The following PLXNA2 variants were observed in gnomAD, a reference collection of about 807,000 sequenced individuals.
PLXNA2 encodes plexin-A2.
Under a neutral mutation model 193.5 loss-of-function variants are expected in PLXNA2, and 91 were observed. That is an observed-to-expected ratio of 0.47 (90% confidence interval 0.40 to 0.56). The LOEUF (loss-of-function observed/expected upper bound fraction) is 0.56, where lower values mean the gene tolerates loss of function less well. PLXNA2 is among the 20% of genes least tolerant of loss of function. PLXNA2 has a pLI of 0.00. For synonymous variants in PLXNA2, 997 were observed against 1,027.3 expected (o/e 0.97, Z 0.56); for missense variants, 1,995 against 2,503.2 (o/e 0.80, Z 4.33).
chr1:208,148,041 C>T (rs992823058), intron 3 of PLXNA2, among the ~76,000 whole-genome samples: 2 of 152,190 alleles, frequency 1.3e-5, no homozygotes, highest in Non-Finnish European at 2.9e-5. Flanking sequence ...GAAATAGTAA[C>T]CCCATTAGTA....
intron 3 of PLXNA2, among the ~76,000 whole-genome samples, chr1:208,165,058 G>C (rs1669256847): frequency 6.6e-6 from 1 of 152,178 alleles, no homozygotes; most frequent in Non-Finnish European, 1.5e-5. Context: ...GCAATGATTG[G>C]CAAAGGCCTG....
At chr1:208,240,240 T>C (rs1672003891) in intron 1 of PLXNA2, among the ~76,000 whole-genome samples, 1 of 152,124 alleles carries the variant, frequency 6.6e-6, no homozygotes, top group Admixed American at 6.5e-5. Flanking sequence ...GATAAAGAGG[T>C]TCCATATGCC....
At chr1:208,152,683 GCACACACACACACACACACA>G (rs56051287) in intron 3 of PLXNA2, among the ~76,000 whole-genome samples, 1 of 140,264 alleles carries the variant, frequency 7.1e-6, no homozygotes, top group South Asian at 2.3e-4. Context: ...ACACACACAC[GCACACACACACACACACACA>G]CACACACACA....
intron 4 of PLXNA2, among the ~76,000 whole-genome samples, chr1:208,121,064 C>T (rs115469188): frequency 0.023 from 3,535 of 152,162 alleles, 90 homozygotes; most frequent in Admixed American, 0.077. Flanking sequence ...GCTTAATAAC[C>T]GAAAAAGTAA....
In PLXNA2 at chr1:208,239,191, C is replaced by A. The variant is rs904285196; in HGVS notation, c.-81+4452G>T. Among the ~76,000 whole-genome samples the A allele has an allele frequency of 2.6e-4, 40 of 151,342 alleles. 1 individual carries two copies. The highest frequency in any genetic ancestry group is 9.5e-4 in the African/African-American group (39 of 41,220). On this transcript the variant is annotated intron_variant, in intron 1 of 31. Transcript: ENST00000367033. ...AAAGCACAAAAGCCACTGTTTTGGG[C>A]CAAGCCTGGCTTTCAAGAGTCCCCT... is the stretch of plus-strand genomic sequence containing the variant.
intron 17 of PLXNA2, among the ~76,000 whole-genome samples, chr1:208,049,170 C>A (rs1490892497): frequency 6.6e-6 from 1 of 152,170 alleles, no homozygotes; most frequent in African/African-American, 2.4e-5. Flanking sequence ...CTGGTGCTTC[C>A]CCCTGTGACC....
chr1:208,209,908 G>A (rs1809925), intron 3 of PLXNA2: 229,445 of 242,126 alleles, frequency 0.95, 109,392 homozygotes, highest in Non-Finnish European at 1. Context: ...GTTCTAGGGA[G>A]GGATTTGCGA....
chr1:208,129,600 A>C (rs142307602), intron 4 of PLXNA2, among the ~76,000 whole-genome samples: 110 of 152,264 alleles, frequency 7.2e-4, no homozygotes, highest in South Asian at 3.3e-3. Context: ...CCTTAACTTG[A>C]ACAATATTTC....
rs1558250261 is a variant in PLXNA2, at chr1:208,217,266, G to A, written c.657C>T (p.Ser219=). 2.5e-6 allele frequency: 4 copies of A among 1,614,148 alleles called. No homozygotes were observed. Among genetic ancestry groups the A allele is most frequent in the Non-Finnish European group, 3.4e-6 (4 of 1,180,024 alleles). Residue 219 remains serine (S), a synonymous_variant, in exon 2 of 32, where the codon AGC becomes AGT. Coordinates refer to ENST00000367033, the MANE Select transcript of PLXNA2 (RefSeq NM_025179.4). This position sits in a 1 kb window ranked among gnomAD's most constrained non-coding sequence, Gnocchi z 4.7. ...SSAMLDYELH[S]DFVSSLIKIP... ...TCTTGATGAGAGAGGAGACAAAATC[G>A]CTGTGTAGCTCATAGTCGAGCATGG...
chr1:208,145,537 G>C (rs190033641), intron 3 of PLXNA2, among the ~76,000 whole-genome samples: 2 of 152,338 alleles, frequency 1.3e-5, no homozygotes, highest in East Asian at 3.9e-4. Flanking sequence ...CTGGGCACTT[G>C]CGTGGATTCA....
Position 208,044,454 on chromosome 1 carries a change from AT to A in PLXNA2, c.3874+53del, listed in dbSNP as rs1157771375. On this transcript the variant is annotated intron_variant, in intron 20 of 31. Transcript: ENST00000367033. This position sits in a 1 kb window ranked among gnomAD's most constrained non-coding sequence, Gnocchi z 4.9. ...GGAGTTGTCTGCAGGGAGAAGGGCA[AT>A]AAGGCAGGTGGAGAAAGAGGGACCC... The A allele has an allele frequency of 1.6e-6, 2 of 1,267,440 alleles. No homozygotes were observed. Among genetic ancestry groups the A allele is most frequent in the African/African-American group, 2.9e-5 (2 of 68,224 alleles). 78.5% of individuals were successfully genotyped at this position (1,267,440 alleles called of 1,614,324 possible).
intron 13 of PLXNA2, among the ~76,000 whole-genome samples, chr1:208,055,227 G>A (rs1341953816): frequency 2.6e-5 from 4 of 152,132 alleles, no homozygotes; most frequent in East Asian, 1.9e-4. Flanking sequence ...GGCCCTGAGC[G>A]AAAGTCACGT....
intron 3 of PLXNA2, among the ~76,000 whole-genome samples, chr1:208,197,740 A>G (rs1670405487): frequency 6.6e-6 from 1 of 152,198 alleles, no homozygotes; most frequent in Non-Finnish European, 1.5e-5. Context: ...ATAAAGCAGA[A>G]CTTCCTGGCT....
At chr1:208,146,940 A>G (rs1365855760) in intron 3 of PLXNA2, among the ~76,000 whole-genome samples, 1 of 152,196 alleles carries the variant, frequency 6.6e-6, no homozygotes, top group African/African-American at 2.4e-5. Flanking sequence ...TTTTGCTTGG[A>G]CAAGGCTCAG....
At chr1:208,142,495 T>G in intron 3 of PLXNA2, 32 bp from the exon 4 acceptor site, 3 of 1,570,618 alleles carry the variant, frequency 1.9e-6, no homozygotes, top group Non-Finnish European at 1.7e-6. Flanking sequence ...CCTCAGCATC[T>G]GCCCTCAGTA....
At chr1:208,060,563 G>T in intron 13 of PLXNA2, 123 bp downstream of exon 13, 1 of 1,009,578 alleles carries the variant, frequency 9.9e-7, no homozygotes, top group African/African-American at 1.6e-5. Flanking sequence ...TCTGGGGCAG[G>T]TCCATGGGAG....
chr1:208,231,478 T>C (rs1537693), intron 1 of PLXNA2, among the ~76,000 whole-genome samples: 124,098 of 152,020 alleles, frequency 0.82, 50,774 homozygotes, highest in East Asian at 0.87. Context: ...ATGTGCCTGG[T>C]CACCCGCCCT....
intron 6 of PLXNA2, among the ~76,000 whole-genome samples, chr1:208,097,166 G>A (rs1421242869): frequency 6.6e-6 from 1 of 152,162 alleles, no homozygotes; most frequent in East Asian, 1.9e-4. Flanking sequence ...AGAGGGAAAG[G>A]TACCAAAATC....
At chr1:208,159,837 G>A (rs1249407204) in intron 3 of PLXNA2, among the ~76,000 whole-genome samples, 6 of 152,208 alleles carry the variant, frequency 3.9e-5, no homozygotes, top group African/African-American at 1.2e-4. Context: ...GAGTGGGAGG[G>A]TGAACCTGTG....
Sources: allele counts gnomAD v4.1 joint callset (sites outside exome capture counted in the v4.1 genomes callset), GRCh38; gene constraint gnomAD v4.1.1; non-coding constraint Gnocchi (gnomAD v3.1); transcripts MANE v1.5; gene names NCBI Gene and HGNC (gene_info 2026-07-23, HGNC 2026-07-21).